Variants in GABRA5 observed in about 807,000 individuals in gnomAD.
GABRA5 encodes the protein gamma-aminobutyric acid type A receptor subunit alpha5.
A neutral mutation model predicts 47.3 loss-of-function variants in GABRA5; 18 were observed. The ratio of observed to expected loss-of-function variants is 0.38; its 90% confidence interval spans 0.26 to 0.56. The LOEUF (loss-of-function observed/expected upper bound fraction) is 0.56, where lower values mean the gene tolerates loss of function less well. Ranked by LOEUF, GABRA5 falls within the 20% of genes least tolerant of loss-of-function variation. The pLI is 0.71. For synonymous variants in GABRA5, 237 were observed against 229.3 expected (o/e 1.03, Z -0.30); for missense variants, 365 against 599.3 (o/e 0.61, Z 4.08).
intron 7 of GABRA5, among the ~76,000 whole-genome samples, chr15:26,928,376 T>C (rs1305692043): frequency 6.6e-6 from 1 of 152,198 alleles, no homozygotes; most frequent in African/African-American, 2.4e-5. Context: ...TGTAGAAACA[T>C]ACTGAAGTTT....
intron 6 of GABRA5, among the ~76,000 whole-genome samples, chr15:26,888,864 C>G (rs1427703992): frequency 6.6e-6 from 1 of 152,174 alleles, no homozygotes; most frequent in Non-Finnish European, 1.5e-5. Flanking sequence ...GAGCAAGTCC[C>G]CCCGGTAGGC....
chr15:26,945,323 T>A (rs1894485598), intron 10 of GABRA5, among the ~76,000 whole-genome samples: 1 of 152,168 alleles, frequency 6.6e-6, no homozygotes, highest in South Asian at 2.1e-4. Flanking sequence ...AACTGTTCCA[T>A]GGAAGTAGAG....
chr15:26,909,867 C>T (rs1186869328), intron 6 of GABRA5, among the ~76,000 whole-genome samples: 1 of 152,162 alleles, frequency 6.6e-6, no homozygotes, highest in Admixed American at 6.5e-5. Context: ...ATTTGCAGTG[C>T]TGTTATTTTG....
In GABRA5 at chr15:26,948,438, A is replaced by C. The variant is rs1894568699; in HGVS notation, c.*205A>C. On this transcript the variant is annotated 3_prime_UTR_variant, in exon 11 of 11. Transcript: ENST00000335625. ...AAGATGTCCCATTGATAATTCGAGC[A>C]AACAACTTTCTGGAAAAACAGGATA... The C allele has an allele frequency of 1.7e-6, 1 of 573,796 alleles. No homozygotes were observed. The highest frequency in any genetic ancestry group is 1.9e-5 in the African/African-American group (1 of 53,806). The allele number at this position is 573,796 out of a possible 1,614,324, so 35.5% of individuals were successfully genotyped here. A position where few individuals can be genotyped will look rare whatever the true frequency, so the allele number is the denominator to read the frequency against.
intron 7 of GABRA5, among the ~76,000 whole-genome samples, chr15:26,933,531 T>A (rs1338971133): frequency 6.6e-6 from 1 of 152,164 alleles, no homozygotes; most frequent in East Asian, 1.9e-4. Flanking sequence ...AGAGTGACAG[T>A]CCTTTTTCTT....
Position 26,883,282 on chromosome 15 carries a change from G to A in GABRA5, c.276+49G>A, listed in dbSNP as rs1343454396. 2 of 1,611,360 alleles carry A rather than the reference G, an allele frequency of 1.2e-6. No individual in the cohort carries two copies. Among genetic ancestry groups the A allele is most frequent in the South Asian group, 1.1e-5 (1 of 91,026 alleles). ...CAGACAATTCTTACTCCGCGCCGCA[G>A]GCCCCCGCCCAGGCCCCGTGCCCTC... On this transcript the variant is annotated intron_variant, in intron 5 of 10. Coordinates refer to ENST00000335625, the MANE Select transcript of GABRA5 (RefSeq NM_000810.4). This position sits in a 1 kb window ranked among gnomAD's most constrained non-coding sequence, Gnocchi z 4.8.
chr15:26,879,823 C>A (rs534394938), intron 3 of GABRA5, among the ~76,000 whole-genome samples: 4 of 152,302 alleles, frequency 2.6e-5, no homozygotes, highest in South Asian at 4.1e-4. Flanking sequence ...CTGGGCACTT[C>A]AGGGAAGTAC....
chr15:26,882,540 A>T (rs1282284205), intron 4 of GABRA5, among the ~76,000 whole-genome samples: 1 of 152,156 alleles, frequency 6.6e-6, no homozygotes, highest in African/African-American at 2.4e-5. Flanking sequence ...CCCAAATATT[A>T]TTAGCCACTT....
chr15:26,887,977 A>G (rs1394152129), intron 6 of GABRA5, among the ~76,000 whole-genome samples: 1 of 152,210 alleles, frequency 6.6e-6, no homozygotes, highest in Non-Finnish European at 1.5e-5. Context: ...ACTGTATTGA[A>G]TAAGATTTTT....
In GABRA5 at chr15:26,943,211, G is replaced by C. The variant is rs771476809; in HGVS notation, c.878-4G>C. Reference sequence around the variant, plus strand: ...TTTCACTCTGCCCTGCCTGACCCCCGCAGGGGTCACCACGGTGCTGACCAT... The same window carrying C: ...TTTCACTCTGCCCTGCCTGACCCCCCCAGGGGTCACCACGGTGCTGACCAT... On this transcript the variant is annotated splice_region_variant and splice_polypyrimidine_tract_variant and intron_variant, in intron 9 of 10. Transcript: ENST00000335625. 1 of 1,550,646 alleles carries C rather than the reference G, an allele frequency of 6.4e-7. No individual in the cohort carries two copies. The highest frequency in any genetic ancestry group is 8.7e-7 in the Non-Finnish European group (1 of 1,147,678).
At chr15:26,901,114 G>A (rs1373451820) in intron 6 of GABRA5, among the ~76,000 whole-genome samples, 3 of 152,142 alleles carry the variant, frequency 2.0e-5, no homozygotes, top group African/African-American at 7.2e-5. Flanking sequence ...AATAAGGCTG[G>A]TATAAACATT....
intron 3 of GABRA5, among the ~76,000 whole-genome samples, chr15:26,874,719 C>T (rs1222301749): frequency 6.6e-6 from 1 of 152,176 alleles, no homozygotes; most frequent in Non-Finnish European, 1.5e-5. Context: ...GTGAAACAGG[C>T]TTCAGCAGTT....
Position 26,886,742 on chromosome 15 carries a change from C to A in GABRA5, c.497+3185C>A, listed in dbSNP as rs540098921. ...GAAGGGAGCCAAGGAGAGGTGAGAA[C>A]CAGAGCGACTTGCCAGTGGTAATTA... On this transcript the variant is annotated intron_variant, in intron 6 of 10. Coordinates refer to ENST00000335625, the MANE Select transcript of GABRA5 (RefSeq NM_000810.4). Among the ~76,000 whole-genome samples the A allele has an allele frequency of 9.1e-4, 138 of 152,192 alleles. 1 individual carries two copies. The highest frequency in any genetic ancestry group is 1.5e-3 in the South Asian group (7 of 4,816).
chr15:26,938,466 A>C (rs1344832380), intron 8 of GABRA5, among the ~76,000 whole-genome samples: 1 of 152,210 alleles, frequency 6.6e-6, no homozygotes, highest in African/African-American at 2.4e-5. Flanking sequence ...CAATCTTTTA[A>C]AACAAACACT....
intron 8 of GABRA5, 34 bp downstream of exon 8, chr15:26,937,362 C>T: frequency 6.4e-7 from 1 of 1,567,084 alleles, no homozygotes; most frequent in Non-Finnish European, 8.6e-7. Context: ...CTGCCAGGCG[C>T]ACTCAGGACA....
At chr15:26,936,090 C>T (rs554936060) in intron 7 of GABRA5, among the ~76,000 whole-genome samples, 4 of 152,280 alleles carry the variant, frequency 2.6e-5, no homozygotes, top group South Asian at 4.2e-4. Flanking sequence ...GTTTTATAAG[C>T]GTCTGGCATT....
chr15:26,891,970 T>C (rs899152883), intron 6 of GABRA5, among the ~76,000 whole-genome samples: 5 of 152,200 alleles, frequency 3.3e-5, no homozygotes, highest in African/African-American at 1.2e-4. Context: ...CCCAGAAACG[T>C]TGGCCAAGCG....
At chr15:26,911,644 G>A (rs914318627) in intron 6 of GABRA5, among the ~76,000 whole-genome samples, 2 of 152,112 alleles carry the variant, frequency 1.3e-5, no homozygotes, top group Non-Finnish European at 2.9e-5. Flanking sequence ...CGGGGCCTTT[G>A]GGATGAGGTT....
chr15:26,913,109 G>A lies in GABRA5; in HGVS notation c.498-1694G>A, dbSNP rs34251358. Among the ~76,000 whole-genome samples the A allele has an allele frequency of 0.01, 1,559 of 151,590 alleles. 111 individuals are homozygous for A. In the East Asian group the frequency reaches 0.19, roughly 18 times the overall value. On this transcript the variant is annotated intron_variant, in intron 6 of 10. Coordinates refer to ENST00000335625, the MANE Select transcript of GABRA5 (RefSeq NM_000810.4). ...TGAGGCAGGAGAATTGCTTGAACCCGGGAGTGGAGATTGTGGTGTGGCAAG... is the reference window on the plus strand; with the variant it reads ...TGAGGCAGGAGAATTGCTTGAACCCAGGAGTGGAGATTGTGGTGTGGCAAG...
Sources: gnomAD v4.1 joint callset for allele counts (sites outside exome capture counted in the v4.1 genomes callset) on GRCh38, gnomAD v4.1.1 for gene constraint, Gnocchi (gnomAD v3.1) non-coding constraint, MANE v1.5 for transcripts, NCBI Gene and HGNC (gene_info 2026-07-23, HGNC 2026-07-21) for gene names.